The following SHTN1 variants were observed in gnomAD, a reference collection of about 807,000 sequenced individuals.
SHTN1 encodes shootin-1.
A neutral mutation model predicts 83.1 loss-of-function variants in SHTN1; 42 were observed. The observed-to-expected ratio is 0.51, with a 90% CI of 0.39 to 0.65. The LOEUF (loss-of-function observed/expected upper bound fraction) is 0.65, where lower values mean the gene tolerates loss of function less well. Among genes scored for constraint, SHTN1 ranks in the 30% least tolerant of loss-of-function variants. SHTN1 has a pLI of 0.00. For synonymous variants in SHTN1, 224 were observed against 247.7 expected (o/e 0.90, Z 0.90); for missense variants, 622 against 737.8 (o/e 0.84, Z 1.82).
Position 117,004,914 on chromosome 10 carries a change from G to A in SHTN1, c.58+108C>T. The A allele has an allele frequency of 5.2e-6, 5 of 959,748 alleles. No individual in the cohort carries two copies. In the South Asian group the frequency reaches 7.2e-5, roughly 14 times the overall value. The allele number at this position is 959,748 out of a possible 1,614,324, so 59.5% of individuals were successfully genotyped here. ...CGGAGCTACTGCGGTGACCACGGCG[G>A]CCGCCACGTCTCCCGCCCGGCTTCC... On this transcript the variant is annotated intron_variant, in intron 1 of 16. Transcript: ENST00000355371.
chr10:117,097,722 A>G (rs1030172994), intron 1 of SHTN1, among the ~76,000 whole-genome samples: 4 of 152,240 alleles, frequency 2.6e-5, no homozygotes, highest in Non-Finnish European at 5.9e-5. Flanking sequence ...TTTCAAATGT[A>G]TTTGAGAACT....
At chr10:117,091,493 G>A (rs1232227129) in intron 1 of SHTN1, among the ~76,000 whole-genome samples, 1 of 152,078 alleles carries the variant, frequency 6.6e-6, no homozygotes, top group African/African-American at 2.4e-5. Context: ...AATTAAAGAA[G>A]AACTGGTATT....
intron 16 of SHTN1, among the ~76,000 whole-genome samples, chr10:116,888,463 A>G (rs756302494): frequency 6.6e-6 from 1 of 152,180 alleles, no homozygotes; most frequent in Non-Finnish European, 1.5e-5. Flanking sequence ...TGCGTCTGAC[A>G]CTGGGCCTGC....
intron 1 of SHTN1, among the ~76,000 whole-genome samples, chr10:117,049,882 A>G (rs190872018): frequency 1.3e-5 from 2 of 152,336 alleles, no homozygotes; most frequent in African/African-American, 4.8e-5. Context: ...AGGGAAATTT[A>G]TACTGCTAAA....
At chr10:116,915,224 A>T in intron 13 of SHTN1, 151 bp downstream of exon 13, 1 of 577,724 alleles carries the variant, frequency 1.7e-6, no homozygotes, top group South Asian at 2.5e-5. Flanking sequence ...CTCCTGAAAC[A>T]TGCTTATGTG....
chr10:117,098,269 C>T (rs1164883978), intron 1 of SHTN1, among the ~76,000 whole-genome samples: 1 of 150,202 alleles, frequency 6.7e-6, no homozygotes, highest in African/African-American at 2.5e-5. Context: ...TAGTGGTGGA[C>T]GCCTGTTGTC....
chr10:117,052,912 C>A lies in SHTN1; in HGVS notation c.-188-4402G>T, dbSNP rs1361526769. ...GTGGGCACCTGTAGTCCCAGCTACT[C>A]GGGAGGCTGAGGCAGGAGAATGGCG... On this transcript the variant is annotated intron_variant, in intron 1 of 17. Coordinates refer to the SHTN1 transcript ENST00000392901. Among the ~76,000 whole-genome samples the A allele has an allele frequency of 2.7e-5, 4 of 149,744 alleles. No homozygotes were observed. In the East Asian group the frequency reaches 7.8e-4, roughly 29 times the overall value.
chr10:117,098,250 A>G lies in SHTN1; in HGVS notation c.-189+28057T>C, dbSNP rs1047780524. Reference sequence around the variant, plus strand: ...AAAAAAAAAAAAAAAAAAAAAAATTAGCCAGACGTAGTGGTGGACGCCTGT... The same window carrying G: ...AAAAAAAAAAAAAAAAAAAAAAATTGGCCAGACGTAGTGGTGGACGCCTGT... On this transcript the variant is annotated intron_variant, in intron 1 of 17. Transcript: ENST00000392901. Among the ~76,000 whole-genome samples the G allele has an allele frequency of 3.5e-5, 5 of 140,864 alleles. No homozygotes were observed. The Admixed American group carries it at 3.6e-4, about 10-fold the overall frequency. The allele number at this position is 140,864 out of a possible 152,430, so 92.4% of individuals were successfully genotyped here.
intron 12 of SHTN1, among the ~76,000 whole-genome samples, chr10:116,916,807 T>C (rs539891400): frequency 6.6e-6 from 1 of 152,214 alleles, no homozygotes; most frequent in Non-Finnish European, 1.5e-5. Flanking sequence ...CACTGCTATA[T>C]TCACTGTATA....
intron 1 of SHTN1, among the ~76,000 whole-genome samples, chr10:117,092,066 G>A (rs1185796282): frequency 6.6e-6 from 1 of 152,182 alleles, no homozygotes; most frequent in Non-Finnish European, 1.5e-5. Context: ...ATAAGGGATA[G>A]ATGAAAGATT....
intron 1 of SHTN1, among the ~76,000 whole-genome samples, chr10:117,000,139 T>A (rs986911160): frequency 1.1e-4 from 16 of 152,092 alleles, no homozygotes; most frequent in Admixed American, 7.2e-4. Flanking sequence ...AATACTGATG[T>A]AAAACCAAGT....
intron 2 of SHTN1, among the ~76,000 whole-genome samples, chr10:116,976,569 C>A (rs2164656): frequency 6.6e-6 from 1 of 152,116 alleles, no homozygotes; most frequent in African/African-American, 2.4e-5. Flanking sequence ...GATGGCCATA[C>A]GTATTTGCTG....
At chr10:117,085,055 T>A (rs1589926030) in intron 1 of SHTN1, among the ~76,000 whole-genome samples, 1 of 151,824 alleles carries the variant, frequency 6.6e-6, no homozygotes, top group East Asian at 2.0e-4. Flanking sequence ...CCATCTTGGC[T>A]CCTCCCCCAG....
intron 1 of SHTN1, among the ~76,000 whole-genome samples, chr10:117,106,194 C>T (rs1299351830): frequency 2.6e-5 from 4 of 151,960 alleles, no homozygotes; most frequent in Non-Finnish European, 5.9e-5. Context: ...CCGTGGCTCA[C>T]GCCTGTAATC....
chr10:117,067,864 A>C (rs1853025092), intron 1 of SHTN1, among the ~76,000 whole-genome samples: 1 of 152,214 alleles, frequency 6.6e-6, no homozygotes, highest in Non-Finnish European at 1.5e-5. Flanking sequence ...AATATCAACA[A>C]TAAACCTCAG....
At chr10:116,959,933 T>A (rs1850122442) in intron 4 of SHTN1, among the ~76,000 whole-genome samples, 1 of 152,228 alleles carries the variant, frequency 6.6e-6, no homozygotes, top group Admixed American at 6.5e-5. Context: ...ATGCTCCTTT[T>A]ACAATTTGGA....
At chr10:117,058,860 G>A (rs1852861863) in intron 1 of SHTN1, among the ~76,000 whole-genome samples, 1 of 152,140 alleles carries the variant, frequency 6.6e-6, no homozygotes, top group African/African-American at 2.4e-5. Context: ...AAAACTTGAG[G>A]GCATTAGGCT....
At chr10:117,109,654 T>C (rs1360298386) in intron 1 of SHTN1, among the ~76,000 whole-genome samples, 2 of 132,238 alleles carry the variant, frequency 1.5e-5, no homozygotes, top group Non-Finnish European at 1.6e-5. Context: ...AACCTCTGCC[T>C]CCCAGGTTCA....
At chr10:116,992,208 C>T (rs1286562695) in intron 1 of SHTN1, among the ~76,000 whole-genome samples, 2 of 152,076 alleles carry the variant, frequency 1.3e-5, no homozygotes, top group African/African-American at 4.8e-5. Context: ...AGCACTAAAG[C>T]TGAAAGGGAA....
Sources: allele counts gnomAD v4.1 joint callset (sites outside exome capture counted in the v4.1 genomes callset), GRCh38; gene constraint gnomAD v4.1.1; transcripts MANE v1.5; gene names NCBI Gene and HGNC (gene_info 2026-07-23, HGNC 2026-07-21).